Variants in DYM observed in about 807,000 individuals in gnomAD.
The protein encoded by DYM is dyggve-Melchior-Clausen syndrome protein.
DYM carries 78 observed loss-of-function variants against 93.1 expected under a neutral mutation model. The observed-to-expected ratio is 0.84, with a 90% CI of 0.70 to 1.01. DYM has a LOEUF of 1.01. DYM is among the 50% of genes least tolerant of loss of function. The probability of loss-of-function intolerance (pLI) is 0.00; values close to 1 mark genes in which losing one functional copy is unlikely to be tolerated. For missense variants in DYM, 789 were observed against 845.0 expected, an observed-to-expected ratio of 0.93 and a Z score of 0.82; for synonymous variants, 321 against 319.7, an observed-to-expected ratio of 1.00 and a Z score of -0.04.
At chr18:49,236,364 T>C (rs1364670319) in intron 13 of DYM, among the ~76,000 whole-genome samples, 1 of 151,758 alleles carries the variant, frequency 6.6e-6, no homozygotes, top group Non-Finnish European at 1.5e-5. Context: ...CCTGTAGTCC[T>C]AGCTACTCGA....
intron 14 of DYM, chr18:49,206,334 T>C (rs1026676979): frequency 1.3e-5 from 2 of 154,086 alleles, no homozygotes; most frequent in Admixed American, 1.3e-4. Flanking sequence ...CTTATATTTC[T>C]CTCTAGAAAC....
At chr18:49,203,896 A>AAG (rs1279612921) in intron 14 of DYM, among the ~76,000 whole-genome samples, 1 of 135,148 alleles carries the variant, frequency 7.4e-6, no homozygotes, top group Non-Finnish European at 1.6e-5. Flanking sequence ...AAAAAAAAAA[A>AAG]AACAACTCTG....
chr18:49,041,648 C>T lies in DYM; in HGVS notation c.*2407G>A, dbSNP rs1354509148. 1 of 152,220 alleles carries T rather than the reference C, an allele frequency of 6.6e-6. No individual in the cohort carries two copies. The highest frequency in any genetic ancestry group is 6.5e-5 in the Admixed American group (1 of 15,284). 9.4% of individuals were successfully genotyped at this position (152,220 alleles called of 1,614,324 possible). On this transcript the variant is annotated 3_prime_UTR_variant, in exon 18 of 18. Coordinates refer to ENST00000675505, the MANE Select transcript of DYM (RefSeq NM_001353214.3). ...CAGGCCTCCATGGAGGCTGCTGCCC[C>T]AGCTGAGCTGTTAGCTAGTGAGTGC...
At chr18:49,395,616 C>A (rs1468532763) in intron 2 of DYM, among the ~76,000 whole-genome samples, 1 of 148,428 alleles carries the variant, frequency 6.7e-6, no homozygotes, top group African/African-American at 2.5e-5. Context: ...GCAACAAGAG[C>A]AAAACTCTGT....
intron 15 of DYM, among the ~76,000 whole-genome samples, chr18:49,143,588 G>T (rs1282685038): frequency 6.6e-6 from 1 of 152,048 alleles, no homozygotes; most frequent in African/African-American, 2.4e-5. Context: ...TAAGGTCAAG[G>T]TCACATAAAG....
intron 1 of DYM, among the ~76,000 whole-genome samples, chr18:49,445,394 T>C (rs535126533): frequency 6.6e-6 from 1 of 152,238 alleles, no homozygotes; most frequent in African/African-American, 2.4e-5. Flanking sequence ...CCGTTTCATA[T>C]TGCTTCATGA....
intron 17 of DYM, among the ~76,000 whole-genome samples, chr18:49,081,152 C>A (rs1237992545): frequency 6.6e-6 from 1 of 150,652 alleles, no homozygotes; most frequent in South Asian, 2.2e-4. Context: ...CCAAGGCAGG[C>A]GGCTGGGAGA....
chr18:49,390,212 G>A (rs1374725640), intron 3 of DYM, among the ~76,000 whole-genome samples: 2 of 152,112 alleles, frequency 1.3e-5, no homozygotes, highest in Non-Finnish European at 2.9e-5. Flanking sequence ...GAAGGCTTGC[G>A]GCCAGGAGCC....
In DYM at chr18:49,055,397, C is replaced by T. The variant is rs117653706; in HGVS notation, c.2026-11193G>A. On this transcript the variant is annotated intron_variant, in intron 17 of 17. Transcript: ENST00000675505. ...GGGGCACCAGGTGAAGTTGCCTACG[C>T]GTCAACTCCTCAGGAAGGCTGACTG... is the stretch of plus-strand genomic sequence containing the variant. Among the ~76,000 whole-genome samples the T allele has an allele frequency of 4.9e-3, 748 of 152,212 alleles. 5 individuals are homozygous for T. Among genetic ancestry groups the T allele is most frequent in the Non-Finnish European group, 8.0e-3 (545 of 68,016 alleles).
chr18:49,131,244 C>A (rs1435396366), intron 15 of DYM, among the ~76,000 whole-genome samples: 1 of 152,206 alleles, frequency 6.6e-6, no homozygotes. Context: ...AATCTTCCTG[C>A]CTTGCAGATG....
At chr18:49,130,359 G>C (rs1435490907) in intron 15 of DYM, among the ~76,000 whole-genome samples, 4 of 152,204 alleles carry the variant, frequency 2.6e-5, no homozygotes, top group Admixed American at 2.0e-4. Flanking sequence ...CCCATTAATA[G>C]TCTAAAAGCA....
At chr18:49,336,086 T>C (rs2063647141) in intron 6 of DYM, among the ~76,000 whole-genome samples, 1 of 152,216 alleles carries the variant, frequency 6.6e-6, no homozygotes, top group African/African-American at 2.4e-5. Context: ...ACTGCTGGGA[T>C]TACAGGCATG....
intron 13 of DYM, among the ~76,000 whole-genome samples, chr18:49,235,062 AG>A (rs1161271342): frequency 6.6e-6 from 1 of 152,224 alleles, no homozygotes; most frequent in Non-Finnish European, 1.5e-5. Context: ...TGAACCCAGC[AG>A]GCCTACAACT....
chr18:49,070,407 C>T (rs1418227312), intron 17 of DYM, among the ~76,000 whole-genome samples: 2 of 152,162 alleles, frequency 1.3e-5, no homozygotes, highest in African/African-American at 4.8e-5. Context: ...GGACTGGGGA[C>T]TCACTCTCAG....
At chr18:49,324,264 A>C (rs1412440764) in intron 8 of DYM, among the ~76,000 whole-genome samples, 2 of 151,990 alleles carry the variant, frequency 1.3e-5, no homozygotes, top group African/African-American at 4.8e-5. Flanking sequence ...CATAATACTG[A>C]TATCATTGAT....
chr18:49,138,104 T>C (rs2084049996), intron 15 of DYM, among the ~76,000 whole-genome samples: 5 of 152,194 alleles, frequency 3.3e-5, no homozygotes, highest in South Asian at 2.1e-4. Context: ...TCTTTTTTTA[T>C]GTATGTGATT....
chr18:49,110,808 TCTC>T (rs1046127107), intron 16 of DYM, among the ~76,000 whole-genome samples: 3 of 152,206 alleles, frequency 2.0e-5, no homozygotes, highest in African/African-American at 7.2e-5. Context: ...CTTTCTCTCT[TCTC>T]CTTGTGAGAC....
rs1039289918 is a variant in DYM at position 49,039,739 on chromosome 18, G to A, written c.*4316C>T. Among the ~76,000 whole-genome samples the A allele has an allele frequency of 6.6e-6, 1 of 151,590 alleles. No homozygotes were observed. The highest frequency in any genetic ancestry group is 2.4e-5 in the African/African-American group (1 of 41,206). Reference sequence around the variant, plus strand: ...GTACTTTAGTTATAGAATTTCCAATGCGCCTTTTACAGTTTCTAACTCTCT... The same window carrying A: ...GTACTTTAGTTATAGAATTTCCAATACGCCTTTTACAGTTTCTAACTCTCT... On this transcript the variant is annotated 3_prime_UTR_variant, in exon 18 of 18. Coordinates refer to ENST00000675505, the MANE Select transcript of DYM (RefSeq NM_001353214.3).
At chr18:49,361,368 T>C (rs2147329092) in intron 6 of DYM, among the ~76,000 whole-genome samples, 2 of 152,346 alleles carry the variant, frequency 1.3e-5, no homozygotes, top group South Asian at 4.1e-4. Context: ...GAGCCTATTT[T>C]CTCACAAATA....
Sources: gnomAD v4.1 joint callset for allele counts (sites outside exome capture counted in the v4.1 genomes callset) on GRCh38, gnomAD v4.1.1 for gene constraint, MANE v1.5 for transcripts, NCBI Gene and HGNC (gene_info 2026-07-23, HGNC 2026-07-21) for gene names.